Variants in LMOD3 observed in about 807,000 individuals in gnomAD.
LMOD3 encodes leiomodin-3.
In LMOD3, 31 loss-of-function variants were observed where a neutral mutation model predicts 41.8. That is an observed-to-expected ratio of 0.74 (90% CI 0.56 to 1.00). The LOEUF is 1.00. LMOD3 is among the 50% of genes least tolerant of loss of function. The probability of loss-of-function intolerance (pLI) is 0.00; values close to 1 mark genes in which losing one functional copy is unlikely to be tolerated. For missense variants in LMOD3, 755 were observed against 679.5 expected, an observed-to-expected ratio of 1.11 and a Z score of -1.23; for synonymous variants, 292 against 241.9, an observed-to-expected ratio of 1.21 and a Z score of -1.92.
At position 69,122,449 on chromosome 3, in the gene LMOD3, A is replaced by C. The variant is rs993249796; in HGVS notation, c.-63T>G. 7.8e-7 allele frequency: 1 copy of C among 1,281,228 alleles called. No individual in the cohort carries two copies. Among genetic ancestry groups the C allele is most frequent in the South Asian group, 1.5e-5 (1 of 65,222 alleles). The allele number at this position is 1,281,228 out of a possible 1,614,324, so 79.4% of individuals were successfully genotyped here. A position where few individuals can be genotyped will look rare whatever the true frequency, so the allele number is the denominator to read the frequency against. On this transcript the variant is annotated 5_prime_UTR_variant, in exon 1 of 3. Coordinates refer to ENST00000420581, the MANE Select transcript of LMOD3 (RefSeq NM_198271.5). The stretch of plus-strand genomic sequence containing the variant: ...TAATCAAAGATGATTTTTAAAAAGA[A>C]GGAAAAAAGCCTCAAGAAGGTCCCC...
chr3:69,120,121 T>C, intron 1 of LMOD3, 61 bp from the exon 2 acceptor site: 6 of 1,504,720 alleles, frequency 4.0e-6, no homozygotes, highest in South Asian at 1.4e-5. Flanking sequence ...AAGTGGAGCA[T>C]CAGCTAGTGG....
At chr3:69,118,218 T>C (rs952534549) in intron 2 of LMOD3, among the ~76,000 whole-genome samples, 4 of 152,172 alleles carry the variant, frequency 2.6e-5, no homozygotes, top group African/African-American at 9.6e-5. Flanking sequence ...TTCTTTTGAA[T>C]ATGCACTTGA....
chr3:69,110,617 C>A (rs1482475424), intron 2 of LMOD3, among the ~76,000 whole-genome samples: 1 of 147,810 alleles, frequency 6.8e-6, no homozygotes, highest in South Asian at 2.2e-4. Flanking sequence ...CCGAGGTGGG[C>A]GGTTCTCCTG....
intron 2 of LMOD3, 44 bp from the exon 3 acceptor site, chr3:69,109,165 A>G: frequency 6.3e-7 from 1 of 1,576,854 alleles, no homozygotes; most frequent in Non-Finnish European, 8.6e-7. Context: ...TTAATCCTGG[A>G]AATTTAAGAG....
intron 2 of LMOD3, among the ~76,000 whole-genome samples, chr3:69,113,290 C>G (rs2092357674): frequency 6.6e-6 from 1 of 152,052 alleles, no homozygotes; most frequent in South Asian, 2.1e-4. Context: ...TAAGAAAACC[C>G]TGAGTGATCT....
intron 2 of LMOD3, among the ~76,000 whole-genome samples, chr3:69,109,371 G>T (rs914345580): frequency 1.2e-4 from 18 of 152,066 alleles, no homozygotes; most frequent in Admixed American, 6.6e-5. Flanking sequence ...GAAATAAGAG[G>T]GCGGGTGCCT....
In LMOD3 at chr3:69,107,105, T is replaced by A. The variant is rs2107517974; in HGVS notation, c.*1990A>T. On this transcript the variant is annotated 3_prime_UTR_variant, in exon 3 of 3. Coordinates refer to ENST00000420581, the MANE Select transcript of LMOD3 (RefSeq NM_198271.5). ...CTTAGATGTAGTATGTGCTAGACACTTGAAGTTTTGTTTGTTACAGCCCTT... is the reference window on the plus strand; with the variant it reads ...CTTAGATGTAGTATGTGCTAGACACATGAAGTTTTGTTTGTTACAGCCCTT... 1 of 152,242 alleles carries A rather than the reference T, an allele frequency of 6.6e-6. No homozygotes were observed. Among genetic ancestry groups the A allele is most frequent in the African/African-American group, 2.4e-5 (1 of 41,528 alleles). The allele number at this position is 152,242 out of a possible 1,614,324, so 9.4% of individuals were successfully genotyped here. A position where few individuals can be genotyped will look rare whatever the true frequency, so the allele number is the denominator to read the frequency against.
intron 1 of LMOD3, among the ~76,000 whole-genome samples, chr3:69,120,683 AT>A (rs2092403492): frequency 6.6e-6 from 1 of 151,402 alleles, no homozygotes; most frequent in Non-Finnish European, 1.5e-5. Flanking sequence ...TTTTGATTCT[AT>A]TTTTTCAGTT....
At chr3:69,115,021 A>C (rs1193237216) in intron 2 of LMOD3, among the ~76,000 whole-genome samples, 2 of 152,076 alleles carry the variant, frequency 1.3e-5, no homozygotes, top group Admixed American at 1.3e-4. Context: ...GCATGCCATC[A>C]CACCAGGCTA....
rs1255452823 is a variant in LMOD3 at position 69,107,830 on chromosome 3, A to G, written c.*1265T>C. ...TCACACTACTTCTATTATTACAAAAATCTCAAATTCTATGCACCTAGTGGC... is the reference window on the plus strand; with the variant it reads ...TCACACTACTTCTATTATTACAAAAGTCTCAAATTCTATGCACCTAGTGGC... On this transcript the variant is annotated 3_prime_UTR_variant, in exon 3 of 3. Transcript: ENST00000420581. 3 of 152,046 alleles carry G rather than the reference A, an allele frequency of 2.0e-5. No homozygotes were observed. The highest frequency in any genetic ancestry group is 7.2e-5 in the African/African-American group (3 of 41,406). 9.4% of individuals were successfully genotyped at this position (152,046 alleles called of 1,614,324 possible).
At chr3:69,116,942 C>T (rs751060002) in intron 2 of LMOD3, among the ~76,000 whole-genome samples, 5 of 152,200 alleles carry the variant, frequency 3.3e-5, no homozygotes, top group Admixed American at 6.5e-5. Context: ...TTTCAAAAGA[C>T]GTCTCATCAT....
Position 69,119,291 on chromosome 3 carries a change from T to C in LMOD3, c.1064A>G (p.His355Arg), listed in dbSNP as rs2092394102. The C allele has an allele frequency of 1.2e-6, 2 of 1,613,874 alleles. No individual in the cohort carries two copies. The highest frequency in any genetic ancestry group is 1.7e-5 in the Admixed American group (1 of 59,992). ...FHNQRHMLGH[H>R]AEMEIARLLK... ...AAGCCTGGCTATTTCCATTTCAGCATGGTGACCCAACATGTGCCTCTGATT... is the reference window on the plus strand; with the variant it reads ...AAGCCTGGCTATTTCCATTTCAGCACGGTGACCCAACATGTGCCTCTGATT... The change falls in exon 2 of 3, where the codon CAT becomes CGT. Residue 355 changes from histidine to arginine, a missense_variant. His to Arg is a conservative substitution (Grantham distance 29). Coordinates refer to ENST00000420581, the MANE Select transcript of LMOD3 (RefSeq NM_198271.5).
At chr3:69,110,504 A>T (rs1164344683) in intron 2 of LMOD3, among the ~76,000 whole-genome samples, 1 of 149,574 alleles carries the variant, frequency 6.7e-6, no homozygotes, top group Non-Finnish European at 1.5e-5. Flanking sequence ...TGCTGGGATT[A>T]CAGGTGTGAG....
rs909811978 is a variant in LMOD3 at position 69,107,457 on chromosome 3, T to G, written c.*1638A>C. On this transcript the variant is annotated 3_prime_UTR_variant, in exon 3 of 3. Transcript: ENST00000420581. ...AAGAGAGAAAAGGCACCAAAGGTTTTTTTTTTTTTTTTTTTTTTTTTTTTT... is the reference window on the plus strand; with the variant it reads ...AAGAGAGAAAAGGCACCAAAGGTTTGTTTTTTTTTTTTTTTTTTTTTTTTT... 2 of 70,938 alleles carry G rather than the reference T, an allele frequency of 2.8e-5. No individual in the cohort carries two copies. The highest frequency in any genetic ancestry group is 4.8e-4 in the East Asian group (1 of 2,080). The allele number at this position is 70,938 out of a possible 1,614,324, so 4.4% of individuals were successfully genotyped here. A position where few individuals can be genotyped will look rare whatever the true frequency, so the allele number is the denominator to read the frequency against.
intron 2 of LMOD3, among the ~76,000 whole-genome samples, chr3:69,110,499 G>A (rs2092343551): frequency 6.6e-6 from 1 of 151,130 alleles, no homozygotes; most frequent in Non-Finnish European, 1.5e-5. Flanking sequence ...CAGAGTGCTG[G>A]GATTACAGGT....
chr3:69,122,350 GTTC>G lies in LMOD3; in HGVS notation c.34_36del (p.Glu12del). 6.2e-7 allele frequency: 1 copy of G among 1,605,922 alleles called. No homozygotes were observed. Among genetic ancestry groups the G allele is most frequent in the Non-Finnish European group, 8.5e-7 (1 of 1,173,332 alleles). The stretch of plus-strand genomic sequence containing the variant: ...TCTTCATTAATCTCCTCATCGAGAA[GTTC>G]TTCTTGATCTGAATTTCTGCTGTGC... On this transcript the variant is annotated inframe_deletion, in exon 1 of 3. Transcript: ENST00000420581.
chr3:69,122,508 G>T lies in LMOD3; in HGVS notation c.-122C>A. 1 of 747,560 alleles carries T rather than the reference G, an allele frequency of 1.3e-6. No homozygotes were observed. The highest frequency in any genetic ancestry group is 2.1e-6 in the Non-Finnish European group (1 of 475,836). 46.3% of individuals were successfully genotyped at this position (747,560 alleles called of 1,614,324 possible). On this transcript the variant is annotated 5_prime_UTR_variant, in exon 1 of 3. Coordinates refer to ENST00000420581, the MANE Select transcript of LMOD3 (RefSeq NM_198271.5). Reference sequence around the variant, plus strand: ...GAGTGTCCCAAGTTAACACACCCTTGAGATATTTTTTTTTTTTTCCCAGGA... The same window carrying T: ...GAGTGTCCCAAGTTAACACACCCTTTAGATATTTTTTTTTTTTTCCCAGGA...
At chr3:69,118,139 T>C (rs1277218925) in intron 2 of LMOD3, among the ~76,000 whole-genome samples, 6 of 152,172 alleles carry the variant, frequency 3.9e-5, no homozygotes, top group Non-Finnish European at 8.8e-5. Context: ...CTGGCCTCAT[T>C]CTTATTTATT....
intron 1 of LMOD3, 142 bp from the exon 2 acceptor site, chr3:69,120,202 C>A: frequency 1.1e-6 from 1 of 923,282 alleles, no homozygotes. Context: ...TAGCTGATTG[C>A]TAAAAATGGG....
Sources: gnomAD v4.1 joint callset for allele counts (sites outside exome capture counted in the v4.1 genomes callset) on GRCh38, gnomAD v4.1.1 for gene constraint, MANE v1.5 for transcripts, NCBI Gene and HGNC (gene_info 2026-07-23, HGNC 2026-07-21) for gene names.